GNRHR: variants seen among roughly 807,000 people sequenced by gnomAD.
GNRHR encodes gonadotropin releasing hormone receptor.
A neutral mutation model predicts 28.1 loss-of-function variants in GNRHR; 14 were observed. The observed-to-expected ratio is 0.50, with a 90% CI of 0.33 to 0.78. GNRHR has a LOEUF of 0.78. Ranked by LOEUF, GNRHR falls within the 30% of genes least tolerant of loss-of-function variation. The pLI, the probability that GNRHR is intolerant of heterozygous loss-of-function variation, is 0.02. For synonymous variants in GNRHR, 141 were observed against 140.5 expected, an observed-to-expected ratio of 1.00 and a Z score of -0.02; for missense variants, 366 against 382.1, an observed-to-expected ratio of 0.96 and a Z score of 0.35.
rs367560743 is a variant in GNRHR at position 67,754,055 on chromosome 4, A to C, written c.281T>G (p.Val94Gly). ...GTTCCACATCCCATCCAGTGGCATG[A>C]CAATCAGAGTCTCCAACAGGTTGGC... ...TLANLLETLI[V>G]MPLDGMWNIT... Residue 94 changes from valine to glycine, a missense_variant, in exon 1 of 3, where the codon GTC (valine) becomes GGC (glycine). Transcript: ENST00000226413. 6.2e-7 allele frequency: 1 copy of C among 1,614,132 alleles called. No individual in the cohort carries two copies. The highest frequency in any genetic ancestry group is 8.5e-7 in the Non-Finnish European group (1 of 1,179,946).
chr4:67,749,266 A>G (rs931905968), intron 1 of GNRHR, among the ~76,000 whole-genome samples: 5 of 152,176 alleles, frequency 3.3e-5, no homozygotes, highest in Non-Finnish European at 5.9e-5. Context: ...TTCAGACAAC[A>G]TATCTTTACA....
Position 67,739,649 on chromosome 4 carries a change from G to T in GNRHR, c.*831C>A, listed in dbSNP as rs1230105185. On this transcript the variant is annotated 3_prime_UTR_variant, in exon 3 of 3. Transcript: ENST00000226413. ...ACAAAAAATTCTTCACATTAAAATA[G>T]AAGTCATACTATGCATAGAGCGTAC... 6.6e-6 allele frequency: 1 copy of T among 152,006 alleles called. No individual in the cohort carries two copies. Among genetic ancestry groups the T allele is most frequent in the Non-Finnish European group, 1.5e-5 (1 of 67,924 alleles). The allele number at this position is 152,006 out of a possible 1,614,324, so 9.4% of individuals were successfully genotyped here.
intron 1 of GNRHR, among the ~76,000 whole-genome samples, chr4:67,750,770 T>TAATA: frequency 6.6e-6 from 1 of 152,050 alleles, no homozygotes; most frequent in East Asian, 1.9e-4. Flanking sequence ...CACCAAAGGA[T>TAATA]GAAAATTAAA....
chr4:67,740,425 T>C lies in GNRHR; in HGVS notation c.*55A>G, dbSNP rs112800600. On this transcript the variant is annotated 3_prime_UTR_variant, in exon 3 of 3. Transcript: ENST00000226413. ...AACATTTGTGTTAATCATTCCCAGATGGAGAGATTCATTACCTTACCCTTC... is the reference window on the plus strand; with the variant it reads ...AACATTTGTGTTAATCATTCCCAGACGGAGAGATTCATTACCTTACCCTTC... 8 of 1,295,568 alleles carry C rather than the reference T, an allele frequency of 6.2e-6. 2 individuals are homozygous for C. In the African/African-American group the frequency reaches 8.7e-5, roughly 14 times the overall value. The allele number at this position is 1,295,568 out of a possible 1,614,324, so 80.3% of individuals were successfully genotyped here. A position where few individuals can be genotyped will look rare whatever the true frequency, so the allele number is the denominator to read the frequency against.
At chr4:67,741,052 A>AT (rs975347682) in intron 2 of GNRHR, among the ~76,000 whole-genome samples, 4 of 151,908 alleles carry the variant, frequency 2.6e-5, no homozygotes, top group African/African-American at 4.8e-5. Flanking sequence ...TAAAAAAATT[A>AT]TTTTTTTATT....
chr4:67,752,207 CT>C (rs1000206339), intron 1 of GNRHR, among the ~76,000 whole-genome samples: 14 of 148,314 alleles, frequency 9.4e-5, no homozygotes, highest in South Asian at 2.2e-4. Flanking sequence ...TTCCCAAAGC[CT>C]TTTTTTTTTC....
rs1191030122 is a variant in GNRHR, at chr4:67,738,501, C to T, written c.*1979G>A. On this transcript the variant is annotated 3_prime_UTR_variant, in exon 3 of 3. Transcript: ENST00000226413. Reference sequence around the variant, plus strand: ...CTAAGACAGAGAGATCCATAATGAGCACACAAGAAGAACCAAGCTGAGATA... The same window carrying T: ...CTAAGACAGAGAGATCCATAATGAGTACACAAGAAGAACCAAGCTGAGATA... Among the ~76,000 whole-genome samples, 1 of 151,306 alleles carries T rather than the reference C, an allele frequency of 6.6e-6. No homozygotes were observed. Among genetic ancestry groups the T allele is most frequent in the African/African-American group, 2.4e-5 (1 of 41,268 alleles).
intron 1 of GNRHR, among the ~76,000 whole-genome samples, chr4:67,752,796 G>A (rs2109987366): frequency 3.2e-5 from 1 of 31,702 alleles, no homozygotes; most frequent in Middle Eastern, 0.026. Flanking sequence ...GTTCTGCATG[G>A]CAGTTTTTTT....
At chr4:67,751,697 T>A (rs1239982732) in intron 1 of GNRHR, 7 of 152,224 alleles carry the variant, frequency 4.6e-5, no homozygotes, top group Non-Finnish European at 7.3e-5. Flanking sequence ...GGAGACTTCT[T>A]CTAAGAAGAA....
chr4:67,743,113 C>T (rs946135471), intron 2 of GNRHR, among the ~76,000 whole-genome samples: 2 of 151,980 alleles, frequency 1.3e-5, no homozygotes, highest in African/African-American at 2.4e-5. Context: ...CCACCACACC[C>T]GGCTAATTTT....
chr4:67,737,933 G>T lies in GNRHR; in HGVS notation c.*2547C>A, dbSNP rs902169453. On this transcript the variant is annotated 3_prime_UTR_variant, in exon 3 of 3. Coordinates refer to ENST00000226413, the MANE Select transcript of GNRHR (RefSeq NM_000406.3). Reference sequence around the variant, plus strand: ...ATTGTAATATCAAATATGAAATATTGTCTGTTGAGTGGAATATCTTTAATT... The same window carrying T: ...ATTGTAATATCAAATATGAAATATTTTCTGTTGAGTGGAATATCTTTAATT... 2.6e-5 allele frequency among the ~76,000 whole-genome samples: 4 copies of T among 151,580 alleles called. No individual in the cohort carries two copies. Among genetic ancestry groups the T allele is most frequent in the African/African-American group, 9.7e-5 (4 of 41,432 alleles).
chr4:67,741,239 C>G (rs1277353565), intron 2 of GNRHR, among the ~76,000 whole-genome samples: 1 of 151,880 alleles, frequency 6.6e-6, no homozygotes, highest in Admixed American at 6.6e-5. Flanking sequence ...TCCAGTGTAT[C>G]ATTGTTATGC....
In GNRHR at chr4:67,752,678, CATT is replaced by C. The variant is rs544668079; in HGVS notation, c.522+1133_522+1135del. Among the ~76,000 whole-genome samples, 736 of 152,056 alleles carry C rather than the reference CATT, an allele frequency of 4.8e-3. 4 individuals are homozygous for C. The highest frequency in any genetic ancestry group is 0.015 in the African/African-American group (637 of 41,470). ...AAAATGAAAACATTTTAGTTTTTCC[CATT>C]ATTCTTATTATGAAACACACACATA... On this transcript the variant is annotated intron_variant, in intron 1 of 2. Coordinates refer to ENST00000226413, the MANE Select transcript of GNRHR (RefSeq NM_000406.3).
At position 67,753,873 on chromosome 4, in the gene GNRHR, C is replaced by T; in HGVS notation, c.463G>A (p.Val155Ile). Residue 155 changes from valine to isoleucine, a missense_variant, in exon 1 of 3, where the codon GTC becomes ATC. Coordinates refer to ENST00000226413, the MANE Select transcript of GNRHR (RefSeq NM_000406.3). ...RPLALKSNSK[V>I]GQSMVGLAWI... ...GCCAGGCCAACCATGGACTGTCCGA[C>T]TTTGCTGTTGCTTTTCAAAGCTAGG... 6.2e-7 allele frequency: 1 copy of T among 1,613,948 alleles called. No individual in the cohort carries two copies. Among genetic ancestry groups the T allele is most frequent in the Non-Finnish European group, 8.5e-7 (1 of 1,179,950 alleles).
At position 67,753,849 on chromosome 4, in the gene GNRHR, C is replaced by A; in HGVS notation, c.487G>T (p.Ala163Ser). 10 of 1,613,558 alleles carry A rather than the reference C, an allele frequency of 6.2e-6. No homozygotes were observed. The highest frequency in any genetic ancestry group is 8.5e-6 in the Non-Finnish European group (10 of 1,179,704). ...GCAAAGACACTACTGAGGATCCAGG[C>A]CAGGCCAACCATGGACTGTCCGACT... ...SKVGQSMVGL[A>S]WILSSVFAGP... The change falls in exon 1 of 3, where the codon GCC becomes TCC. Residue 163 changes from alanine to serine, a missense_variant. Physicochemically the swap from Ala to Ser is moderately conservative, Grantham distance 99. Coordinates refer to ENST00000226413, the MANE Select transcript of GNRHR (RefSeq NM_000406.3).
At chr4:67,753,595 C>A (rs1013902569) in intron 1 of GNRHR, 1 of 578,990 alleles carries the variant, frequency 1.7e-6, no homozygotes, top group African/African-American at 1.9e-5. Flanking sequence ...AAGCATTAAC[C>A]CCCATGTTAC....
intron 1 of GNRHR, among the ~76,000 whole-genome samples, chr4:67,745,197 G>A (rs1347243299): frequency 2.0e-5 from 3 of 151,914 alleles, no homozygotes; most frequent in East Asian, 3.9e-4. Flanking sequence ...TTATTTTAGA[G>A]ACAGAAGCCC....
chr4:67,737,892 G>A lies in GNRHR; in HGVS notation c.*2588C>T, dbSNP rs377155481. On this transcript the variant is annotated 3_prime_UTR_variant, in exon 3 of 3. Transcript: ENST00000226413. ...GGAGTCCTCACCTTTTATTATAATA[G>A]GACATAAAATAAATGATTGTAATAT... 2.3e-4 allele frequency among the ~76,000 whole-genome samples: 35 copies of A among 151,720 alleles called. No individual in the cohort carries two copies. The East Asian group carries it at 5.2e-3, about 23-fold the overall frequency.
chr4:67,743,620 T>C (rs1731701737), intron 2 of GNRHR, among the ~76,000 whole-genome samples: 1 of 152,196 alleles, frequency 6.6e-6, no homozygotes, highest in Admixed American at 6.5e-5. Context: ...GCCTCTGCTT[T>C]TTTGTTTTTC....
Sources: gnomAD v4.1 joint callset for allele counts (sites outside exome capture counted in the v4.1 genomes callset) on GRCh38, gnomAD v4.1.1 for gene constraint, MANE v1.5 for transcripts, NCBI Gene and HGNC (gene_info 2026-07-23, HGNC 2026-07-21) for gene names.